Variants in DNAJC9 observed in about 807,000 individuals in gnomAD.
DNAJC9 encodes DnaJ heat shock protein family (Hsp40) member C9.
In DNAJC9, 18 loss-of-function variants were observed where a neutral mutation model predicts 32.4. The observed-to-expected ratio is 0.56, with a 90% CI of 0.38 to 0.82. The LOEUF (loss-of-function observed/expected upper bound fraction) is 0.82. DNAJC9 is among the 40% of genes least tolerant of loss of function. DNAJC9 has a pLI of 0.00. For synonymous variants in DNAJC9, 113 were observed against 122.1 expected (o/e 0.93, Z 0.49); for missense variants, 310 against 321.8 (o/e 0.96, Z 0.28).
At position 73,242,075 on chromosome 10, in the gene DNAJC9, CTT is replaced by C. The variant is rs1395663802; in HGVS notation, c.*1323_*1324del. 1.3e-5 allele frequency: 2 copies of C among 152,088 alleles called. No individual in the cohort carries two copies. Among genetic ancestry groups the C allele is most frequent in the Admixed American group, 6.5e-5 (1 of 15,270 alleles). 9.4% of individuals were successfully genotyped at this position (152,088 alleles called of 1,614,324 possible). A position where few individuals can be genotyped will look rare whatever the true frequency, so the allele number is the denominator to read the frequency against. ...TTCAAATAATCATAAATTACGGTAA[CTT>C]TTTATTATACCAAGGTGTTCTAATG... On this transcript the variant is annotated 3_prime_UTR_variant, in exon 5 of 5. Transcript: ENST00000372950.
chr10:73,235,258 A>G, downstream of DNAJC9: 3 of 1,552,060 alleles, frequency 1.9e-6, no homozygotes, highest in Non-Finnish European at 2.6e-6. Context: ...ATCAGCAGCC[A>G]CAAGAAAGGC....
intron 2 of DNAJC9, 71 bp from the exon 3 acceptor site, chr10:73,246,247 G>T: frequency 6.6e-7 from 1 of 1,523,052 alleles, no homozygotes. Flanking sequence ...AGTAAAACTA[G>T]AGTTGGGTGT....
At chr10:73,239,668 A>C (rs1300435840), downstream of DNAJC9, among the ~76,000 whole-genome samples, 3 of 150,818 alleles carry the variant, frequency 2.0e-5, no homozygotes, top group Admixed American at 1.3e-4. Context: ...TTTTTTTTTA[A>C]ATCTAAAAAG....
chr10:73,246,705 G>T lies in DNAJC9; in HGVS notation c.304C>A (p.Arg102=). The change falls in exon 2 of 5, where the codon CGG becomes AGG. Residue 102 remains arginine, a synonymous_variant. Transcript: ENST00000372950. ...TQDRDWEAYW[R]LLFKKISLED... is the part of the protein sequence containing the mutation. ...TCCTTTACCTTTTTAAAGAGTAGCC[G>T]CCAATACGCCTCCCAGTCTCGGTCT... The T allele has an allele frequency of 6.2e-7, 1 of 1,613,928 alleles. No individual in the cohort carries two copies. Among genetic ancestry groups the T allele is most frequent in the East Asian group, 2.2e-5 (1 of 44,880 alleles).
In DNAJC9 at chr10:73,232,862, G is replaced by C. The variant is rs878934997; in HGVS notation, n.147+10981C>G. On this transcript the variant is annotated intron_variant and non_coding_transcript_variant, in intron 2 of 2. Transcript: ENST00000469143. Reference sequence around the variant, plus strand: ...CCCTAAATGTAGTTTCTAGTCTAAGGCTTTTTACCCCGTTAGTCTTGTCTT... The same window carrying C: ...CCCTAAATGTAGTTTCTAGTCTAAGCCTTTTTACCCCGTTAGTCTTGTCTT... 4 of 876,250 alleles carry C rather than the reference G, an allele frequency of 4.6e-6. No individual in the cohort carries two copies. The South Asian group carries it at 5.9e-5, about 13-fold the overall frequency. 54.3% of individuals were successfully genotyped at this position (876,250 alleles called of 1,614,324 possible).
At chr10:73,237,503 A>C (rs1258813241), downstream of DNAJC9, among the ~76,000 whole-genome samples, 2 of 150,824 alleles carry the variant, frequency 1.3e-5, no homozygotes, top group Non-Finnish European at 3.0e-5. Flanking sequence ...TGCAGCCTCC[A>C]CCTCCTCCTG....
chr10:73,238,068 G>C (rs901835276), downstream of DNAJC9, among the ~76,000 whole-genome samples: 1 of 152,114 alleles, frequency 6.6e-6, no homozygotes, highest in African/African-American at 2.4e-5. Context: ...GCTGTGAGCC[G>C]GCTGCAGTGG....
chr10:73,246,591 A>C, intron 2 of DNAJC9, 97 bp downstream of exon 2: 1 of 1,432,226 alleles, frequency 7.0e-7, no homozygotes, highest in African/African-American at 1.4e-5. Context: ...TAATTCCTAC[A>C]AAATTAACAC....
downstream of DNAJC9, among the ~76,000 whole-genome samples, chr10:73,240,338 T>C (rs1223019885): frequency 1.3e-5 from 2 of 152,226 alleles, no homozygotes; most frequent in African/African-American, 4.8e-5. Flanking sequence ...CCCCGCAGCA[T>C]TGTCTGGTAG....
chr10:73,246,663 C>A, intron 2 of DNAJC9, 25 bp downstream of exon 2: 1 of 1,613,456 alleles, frequency 6.2e-7, no homozygotes, highest in Non-Finnish European at 8.5e-7. Flanking sequence ...GTAACAGTCA[C>A]AAAGAAACCT....
chr10:73,246,404 C>G, intron 2 of DNAJC9, among the ~76,000 whole-genome samples: 1 of 152,144 alleles, frequency 6.6e-6, no homozygotes, highest in East Asian at 1.9e-4. Context: ...AGTGAAATTT[C>G]CAAGAGTGAG....
In DNAJC9 at chr10:73,246,958, G is replaced by C. The variant is rs564759703; in HGVS notation, c.180+52C>G. The C allele has an allele frequency of 6.2e-5, 96 of 1,558,628 alleles. No homozygotes were observed. In the African/African-American group the frequency reaches 1.2e-3, roughly 19 times the overall value. On this transcript the variant is annotated intron_variant, in intron 1 of 4. Transcript: ENST00000372950. The stretch of plus-strand genomic sequence containing the variant: ...CGGGGCGGGGCCCGGTAGCCAAAAG[G>C]CTAGGGGGAGGCCCGCGCAGCCGGT...
downstream of DNAJC9, among the ~76,000 whole-genome samples, chr10:73,238,148 C>T (rs921802739): frequency 3.9e-5 from 6 of 152,018 alleles, no homozygotes; most frequent in Admixed American, 3.3e-4. Flanking sequence ...GAGTTTGAGA[C>T]CAGCCTGGTT....
Position 73,246,772 on chromosome 10 carries a change from A to G in DNAJC9, c.237T>C (p.Asp79=), listed in dbSNP as rs1291525664. The change falls in exon 2 of 5, where the codon GAT becomes GAC. Residue 79 remains aspartate, a synonymous_variant. Coordinates refer to ENST00000372950, the MANE Select transcript of DNAJC9 (RefSeq NM_015190.5). The part of the protein sequence containing the change: ...LSDREQRAVY[D]EQGTVDEDSP... The stretch of plus-strand genomic sequence containing the variant: ...AGTCCTCGTCCACTGTTCCCTGCTC[A>G]TCGTACACTGCTCTCTGTTCTCTGT... The G allele has an allele frequency of 1.9e-6, 3 of 1,614,192 alleles. No individual in the cohort carries two copies. The highest frequency in any genetic ancestry group is 1.7e-6 in the Non-Finnish European group (2 of 1,180,018).
At position 73,233,010 on chromosome 10, in the gene DNAJC9, G is replaced by A. The variant is rs542802146; in HGVS notation, n.147+10833C>T. On this transcript the variant is annotated intron_variant and non_coding_transcript_variant, in intron 2 of 2. Coordinates refer to the DNAJC9 transcript ENST00000469143. The stretch of plus-strand genomic sequence containing the variant: ...CTTTCAACTCGAAATTGGCCAAATC[G>A]AGCTGTGGAGTTTAGTACATCATCT... The A allele has an allele frequency of 4.4e-4, 688 of 1,551,864 alleles. 3 individuals are homozygous for A. Among genetic ancestry groups the A allele is most frequent in the Non-Finnish European group, 5.7e-4 (654 of 1,146,990 alleles).
At chr10:73,238,916 T>C (rs577844016), downstream of DNAJC9, 53 of 158,038 alleles carry the variant, frequency 3.4e-4, no homozygotes, top group African/African-American at 1.2e-3. Context: ...GGTGGTAAAG[T>C]CATAAGTATT....
chr10:73,241,630 C>T (rs190757245), downstream of DNAJC9: 4 of 153,038 alleles, frequency 2.6e-5, no homozygotes, highest in African/African-American at 9.6e-5. Flanking sequence ...CATATTTTTT[C>T]AGATAGGACA....
rs2043974137 is a variant in DNAJC9 at position 73,243,265 on chromosome 10, G to A, written c.*135C>T. 32 of 931,988 alleles carry A rather than the reference G, an allele frequency of 3.4e-5. No homozygotes were observed. The South Asian group carries it at 4.0e-4, about 12-fold the overall frequency. The allele number at this position is 931,988 out of a possible 1,614,324, so 57.7% of individuals were successfully genotyped here. A position where few individuals can be genotyped will look rare whatever the true frequency, so the allele number is the denominator to read the frequency against. On this transcript the variant is annotated 3_prime_UTR_variant, in exon 5 of 5. Transcript: ENST00000372950. ...AGGTTGAGAGATTCTGCTTGGTCTA[G>A]TCAATCTGAAAAATTCAGGCTGGAA...
At chr10:73,235,168 T>C, downstream of DNAJC9, 1 of 1,550,936 alleles carries the variant, frequency 6.4e-7, no homozygotes, top group Non-Finnish European at 8.7e-7. Flanking sequence ...TTTCACTGTT[T>C]CTGTAACTTT....
Sources: gnomAD v4.1 joint callset for allele counts (sites outside exome capture counted in the v4.1 genomes callset) on GRCh38, gnomAD v4.1.1 for gene constraint, MANE v1.5 for transcripts, NCBI Gene and HGNC (gene_info 2026-07-23, HGNC 2026-07-21) for gene names.